The following CCSER2 variants were observed in gnomAD, a reference collection of about 807,000 sequenced individuals.
CCSER2 encodes serine-rich coiled-coil domain-containing protein 2.
Under a neutral mutation model 92.3 loss-of-function variants are expected in CCSER2, and 46 were observed. That is an observed-to-expected ratio of 0.50 (90% CI 0.39 to 0.64). The LOEUF is 0.64. Ranked by LOEUF, CCSER2 falls within the 30% of genes least tolerant of loss-of-function variation. The probability of loss-of-function intolerance (pLI) is 0.00; values close to 1 mark genes in which losing one functional copy is unlikely to be tolerated. For missense variants in CCSER2, 1,244 were observed against 1,238.9 expected (o/e 1.00, Z -0.06); for synonymous variants, 433 against 431.4 (o/e 1.00, Z -0.04).
At chr10:84,440,662 A>G (rs147185329) in intron 6 of CCSER2, among the ~76,000 whole-genome samples, 1 of 152,210 alleles carries the variant, frequency 6.6e-6, no homozygotes, top group East Asian at 1.9e-4. Flanking sequence ...CTTTCTTCCT[A>G]GTTTATTCTC....
intron 9 of CCSER2, among the ~76,000 whole-genome samples, chr10:84,492,061 C>T (rs371019946): frequency 1.1e-4 from 16 of 152,090 alleles, no homozygotes; most frequent in East Asian, 7.7e-4. Flanking sequence ...GGGCGGATCA[C>T]GAGGTCAGGA....
At chr10:84,377,109 T>A (rs1846380896) in intron 3 of CCSER2, among the ~76,000 whole-genome samples, 1 of 152,146 alleles carries the variant, frequency 6.6e-6, no homozygotes, top group Non-Finnish European at 1.5e-5. Flanking sequence ...TATTTACATT[T>A]TATATATGTA....
intron 2 of CCSER2, among the ~76,000 whole-genome samples, chr10:84,372,953 C>T (rs1377595222): frequency 1.3e-5 from 2 of 152,018 alleles, no homozygotes; most frequent in Non-Finnish European, 2.9e-5. Context: ...GATACACTTC[C>T]TGAGAGAGCT....
intron 3 of CCSER2, among the ~76,000 whole-genome samples, chr10:84,383,234 G>A (rs185574856): frequency 4.3e-4 from 65 of 152,274 alleles, no homozygotes; most frequent in Non-Finnish European, 6.9e-4. Context: ...CTCTAATTTT[G>A]TATCTGTGAC....
intron 1 of CCSER2, among the ~76,000 whole-genome samples, chr10:84,349,242 C>T (rs757102964): frequency 1.3e-5 from 2 of 152,146 alleles, no homozygotes; most frequent in Middle Eastern, 3.2e-3. Context: ...ACCTTCCTGT[C>T]GCAGAAAATG....
In CCSER2 at chr10:84,514,119, A is replaced by C; in HGVS notation, c.2996A>C (p.Glu999Ala). ...AAACAAACAAACAGCCCCCAACTAG[A>C]GCCTCAAAGCTTCCAGGCCAAGACA... ...KQKQTNSPQL[E>A]PQSFQAKTSI... The change falls in exon 10 of 10, where the codon GAG becomes GCG. Residue 999 changes from glutamate (E) to alanine (A), a missense_variant. By Grantham distance (107) the Glu-to-Ala change is moderately radical. Coordinates refer to ENST00000372088, the MANE Select transcript of CCSER2 (RefSeq NM_001284240.2). 6.5e-7 allele frequency: 1 copy of C among 1,536,226 alleles called. No individual in the cohort carries two copies. Among genetic ancestry groups the C allele is most frequent in the South Asian group, 1.2e-5 (1 of 84,056 alleles).
At chr10:84,463,860 G>T (rs1356855703) in intron 6 of CCSER2, 73 bp from the exon 7 acceptor site, 2 of 1,034,960 alleles carry the variant, frequency 1.9e-6, no homozygotes. Flanking sequence ...TTTGGTCTGG[G>T]TAAATTCAGG....
At chr10:84,394,806 A>G (rs1442669918) in intron 3 of CCSER2, among the ~76,000 whole-genome samples, 1 of 152,224 alleles carries the variant, frequency 6.6e-6, no homozygotes, top group East Asian at 1.9e-4. Flanking sequence ...GAGACCATGA[A>G]CAGAGTACTT....
rs1009967969 is a variant in CCSER2 at position 84,469,378 on chromosome 10, G to A, written c.2149-994G>A. ...TAATAAAGTCTTTTTCAATTATAGT[G>A]TACATAATAGCATTTTAAAAATCTT... On this transcript the variant is annotated intron_variant, in intron 7 of 9. Transcript: ENST00000372088. Among the ~76,000 whole-genome samples, 10 of 151,996 alleles carry A rather than the reference G, an allele frequency of 6.6e-5. 1 individual carries two copies. The highest frequency in any genetic ancestry group is 2.6e-4 in the Admixed American group (4 of 15,278).
At chr10:84,347,412 T>C (rs1428027312) in intron 1 of CCSER2, among the ~76,000 whole-genome samples, 2 of 141,394 alleles carry the variant, frequency 1.4e-5, no homozygotes, top group African/African-American at 5.3e-5. Flanking sequence ...GGGGGGGTGC[T>C]GACCCCCCAC....
intron 1 of CCSER2, among the ~76,000 whole-genome samples, chr10:84,340,632 T>G (rs1025011909): frequency 1.4e-5 from 2 of 147,358 alleles, no homozygotes; most frequent in African/African-American, 5.0e-5. Flanking sequence ...CCTTCTCTGG[T>G]TTTTTTTTTT....
chr10:84,445,998 G>C (rs1441874291), intron 6 of CCSER2, among the ~76,000 whole-genome samples: 1 of 151,852 alleles, frequency 6.6e-6, no homozygotes, highest in Non-Finnish European at 1.5e-5. Flanking sequence ...TTATAAGTTG[G>C]GTAAATATTC....
chr10:84,340,524 A>G (rs1249505615), intron 1 of CCSER2, among the ~76,000 whole-genome samples: 4 of 152,206 alleles, frequency 2.6e-5, no homozygotes, highest in South Asian at 2.1e-4. Flanking sequence ...GTCTTAGGAA[A>G]TTCATATTTA....
chr10:84,435,880 G>C (rs1324676147), intron 5 of CCSER2, among the ~76,000 whole-genome samples: 1 of 152,130 alleles, frequency 6.6e-6, no homozygotes, highest in Non-Finnish European at 1.5e-5. Flanking sequence ...CTCTGAAGTA[G>C]TGTCAGCTGA....
intron 1 of CCSER2, among the ~76,000 whole-genome samples, chr10:84,336,453 G>C (rs1843842860): frequency 6.6e-6 from 1 of 152,228 alleles, no homozygotes; most frequent in Non-Finnish European, 1.5e-5. Context: ...ATCTAAGGTG[G>C]TTAGGGAAGG....
intron 6 of CCSER2, among the ~76,000 whole-genome samples, chr10:84,439,048 G>C (rs1026130440): frequency 2.6e-5 from 4 of 152,148 alleles, no homozygotes; most frequent in African/African-American, 9.7e-5. Context: ...CTGAAACATA[G>C]GCATTCAGTA....
intron 7 of CCSER2, among the ~76,000 whole-genome samples, chr10:84,465,308 G>T (rs1589741188): frequency 6.3e-5 from 7 of 111,898 alleles, no homozygotes; most frequent in East Asian, 5.6e-4. Context: ...TTTTTTACAT[G>T]TAAAGATTTT....
rs750416549 is a variant in CCSER2, at chr10:84,438,648, G to C, written c.2005G>C (p.Val669Leu). The C allele has an allele frequency of 1.2e-6, 2 of 1,613,782 alleles. No homozygotes were observed. The highest frequency in any genetic ancestry group is 1.7e-6 in the Non-Finnish European group (2 of 1,179,794). Residue 669 changes from valine to leucine, a missense_variant, in exon 6 of 10, where the codon GTT becomes CTT. Val to Leu is a conservative substitution (Grantham distance 32, BLOSUM62 1). Coordinates refer to ENST00000372088, the MANE Select transcript of CCSER2 (RefSeq NM_001284240.2). ...GGATGAGATGACCCTTCGGCACATG[G>C]TTCAGGATTGCACTGCTGTAAAAAC... The part of the protein sequence containing the change: ...ILDEMTLRHM[V>L]QDCTAVKTQL...
chr10:84,404,737 A>G (rs1842292992), intron 3 of CCSER2, among the ~76,000 whole-genome samples: 2 of 152,254 alleles, frequency 1.3e-5, no homozygotes, highest in South Asian at 4.1e-4. Context: ...CAATGCACAC[A>G]ATTCTTGTTT....
Sources: gnomAD v4.1 joint callset for allele counts (sites outside exome capture counted in the v4.1 genomes callset) on GRCh38, gnomAD v4.1.1 for gene constraint, MANE v1.5 for transcripts, NCBI Gene and HGNC (gene_info 2026-07-23, HGNC 2026-07-21) for gene names.